Variants in CBL observed in about 807,000 individuals in gnomAD.
CBL encodes the protein E3 ubiquitin-protein ligase CBL.
In CBL, 45 loss-of-function variants were observed where a neutral mutation model predicts 96.9. The observed-to-expected ratio is 0.46, with a 90% confidence interval of 0.37 to 0.60. CBL has a LOEUF of 0.60. Among genes scored for constraint, CBL ranks in the 20% least tolerant of loss-of-function variants. The pLI is 0.00. For synonymous variants in CBL, 420 were observed against 426.8 expected (o/e 0.98, Z 0.20); for missense variants, 1,024 against 1,143.5 (o/e 0.90, Z 1.51).
chr11:119,260,481 T>C lies in CBL; in HGVS notation c.444-11254T>C, dbSNP rs555606529. ...CTGGTCGGCTCAGCTTCTTTATGCCTAAATTGTCTCATCTGTAAAATGGGG... is the reference window on the plus strand; with the variant it reads ...CTGGTCGGCTCAGCTTCTTTATGCCCAAATTGTCTCATCTGTAAAATGGGG... On this transcript the variant is annotated intron_variant, in intron 2 of 15. Transcript: ENST00000264033. Among the ~76,000 whole-genome samples, 23 of 152,216 alleles carry C rather than the reference T, an allele frequency of 1.5e-4. No individual in the cohort carries two copies. In the South Asian group the frequency reaches 4.8e-3, roughly 32 times the overall value.
intron 2 of CBL, among the ~76,000 whole-genome samples, chr11:119,235,441 A>G (rs544217611): frequency 6.6e-6 from 1 of 152,326 alleles, no homozygotes; most frequent in South Asian, 2.1e-4. Context: ...CATAAGGAAG[A>G]TAAAACATTT....
At chr11:119,217,127 T>G (rs910856522) in intron 1 of CBL, among the ~76,000 whole-genome samples, 7 of 152,184 alleles carry the variant, frequency 4.6e-5, no homozygotes, top group African/African-American at 1.7e-4. Context: ...GCTCGTATCT[T>G]TTTTTCTGAG....
At chr11:119,262,782 G>A (rs1949763920) in intron 2 of CBL, among the ~76,000 whole-genome samples, 1 of 152,192 alleles carries the variant, frequency 6.6e-6, no homozygotes, top group East Asian at 1.9e-4. Flanking sequence ...GTTGCTGTAG[G>A]GGGTTCAGAA....
intron 9 of CBL, among the ~76,000 whole-genome samples, chr11:119,279,914 G>A (rs1314738400): frequency 1.3e-5 from 2 of 152,200 alleles, no homozygotes; most frequent in Non-Finnish European, 2.9e-5. Context: ...CTTTCAAGGA[G>A]CTAATTGTTT....
intron 2 of CBL, among the ~76,000 whole-genome samples, chr11:119,261,446 C>CGA (rs1168757827): frequency 1.3e-5 from 2 of 152,140 alleles, no homozygotes; most frequent in Admixed American, 1.3e-4. Context: ...AGACTTTCTA[C>CGA]ATATTTGATT....
In CBL at chr11:119,299,913, C is replaced by T; in HGVS notation, c.*132C>T. 1 of 862,828 alleles carries T rather than the reference C, an allele frequency of 1.2e-6. No individual in the cohort carries two copies. Among genetic ancestry groups the T allele is most frequent in the Non-Finnish European group, 1.9e-6 (1 of 515,700 alleles). 53.4% of individuals were successfully genotyped at this position (862,828 alleles called of 1,614,324 possible). A position where few individuals can be genotyped will look rare whatever the true frequency, so the allele number is the denominator to read the frequency against. ...TTGCCCTCTCTGTGGGATATCACAT[C>T]AGTGGTTCCAAGATTTCAAAGTGGT... is the stretch of plus-strand genomic sequence containing the variant. On this transcript the variant is annotated 3_prime_UTR_variant, in exon 16 of 16. Coordinates refer to ENST00000264033, the MANE Select transcript of CBL (RefSeq NM_005188.4).
In CBL at chr11:119,306,317, C is replaced by G; in HGVS notation, c.*6536C>G. On this transcript the variant is annotated 3_prime_UTR_variant, in exon 16 of 16. Transcript: ENST00000264033. ...AAGCCCAAAAGCCAACCTCAGATCT[C>G]CTGATTTGGCAGCTGAAGAAATCAG... 2 of 398,682 alleles carry G rather than the reference C, an allele frequency of 5.0e-6. No homozygotes were observed. Among genetic ancestry groups the G allele is most frequent in the South Asian group, 1.3e-4 (1 of 7,864 alleles). 24.7% of individuals were successfully genotyped at this position (398,682 alleles called of 1,614,324 possible).
At chr11:119,215,223 T>G (rs1949349751) in intron 1 of CBL, among the ~76,000 whole-genome samples, 1 of 152,108 alleles carries the variant, frequency 6.6e-6, no homozygotes, top group Admixed American at 6.6e-5. Flanking sequence ...AAAAACCTAT[T>G]TTTAGTATGT....
At chr11:119,291,244 C>T (rs1950025036) in intron 12 of CBL, among the ~76,000 whole-genome samples, 1 of 152,038 alleles carries the variant, frequency 6.6e-6, no homozygotes, top group Non-Finnish European at 1.5e-5. Context: ...CAAAAAATAT[C>T]AGCCAACCAT....
intron 12 of CBL, among the ~76,000 whole-genome samples, chr11:119,294,167 G>T (rs1003539160): frequency 1.3e-5 from 2 of 152,166 alleles, no homozygotes; most frequent in Admixed American, 6.5e-5. Context: ...GGTGGCTCAC[G>T]CCTGTAATCC....
intron 15 of CBL, among the ~76,000 whole-genome samples, 183 bp from the exon 16 acceptor site, chr11:119,299,312 A>G (rs1169327583): frequency 6.6e-6 from 1 of 152,162 alleles, no homozygotes; most frequent in Admixed American, 6.5e-5. Context: ...GGTTGTTTTT[A>G]TTGTGATGAG....
chr11:119,247,540 G>A (rs1174203309), intron 2 of CBL, among the ~76,000 whole-genome samples: 1 of 152,178 alleles, frequency 6.6e-6, no homozygotes, highest in Non-Finnish European at 1.5e-5. Flanking sequence ...GCCGGGTGTG[G>A]TGGCTCACGC....
intron 2 of CBL, among the ~76,000 whole-genome samples, chr11:119,248,579 G>C (rs1471824449): frequency 6.6e-6 from 1 of 152,158 alleles, no homozygotes; most frequent in African/African-American, 2.4e-5. Context: ...AAATCTTCAT[G>C]AATCTTGGAT....
intron 1 of CBL, among the ~76,000 whole-genome samples, chr11:119,212,293 A>G (rs1451838936): frequency 1.3e-5 from 2 of 152,204 alleles, no homozygotes; most frequent in African/African-American, 4.8e-5. Context: ...ATTTAAAATC[A>G]TGAGCTTAAA....
intron 2 of CBL, among the ~76,000 whole-genome samples, chr11:119,260,876 T>A (rs1038009015): frequency 6.6e-6 from 1 of 150,762 alleles, no homozygotes. Context: ...CAGTCCCAGA[T>A]CCTTAATGAC....
intron 9 of CBL, among the ~76,000 whole-genome samples, chr11:119,281,195 C>A (rs368286089): frequency 5.3e-5 from 8 of 152,192 alleles, no homozygotes; most frequent in African/African-American, 1.9e-4. Flanking sequence ...TGTCCCCTCG[C>A]CATCCTCATG....
At chr11:119,207,862 G>A (rs960495760) in intron 1 of CBL, among the ~76,000 whole-genome samples, 1 of 152,052 alleles carries the variant, frequency 6.6e-6, no homozygotes, top group African/African-American at 2.4e-5. Context: ...GTTCTTCATG[G>A]GTTGCTTTGG....
At chr11:119,240,537 A>G (rs772934376) in intron 2 of CBL, among the ~76,000 whole-genome samples, 2 of 152,212 alleles carry the variant, frequency 1.3e-5, no homozygotes, top group Non-Finnish European at 2.9e-5. Context: ...AGCAGAAGAT[A>G]TGACTCTTAG....
At chr11:119,255,058 G>T (rs1422780343) in intron 2 of CBL, among the ~76,000 whole-genome samples, 2 of 152,096 alleles carry the variant, frequency 1.3e-5, no homozygotes, top group African/African-American at 2.4e-5. Context: ...GGGCATAGGT[G>T]GATGTACCAT....
Sources: allele counts gnomAD v4.1 joint callset (sites outside exome capture counted in the v4.1 genomes callset), GRCh38; gene constraint gnomAD v4.1.1; transcripts MANE v1.5; gene names NCBI Gene and HGNC (gene_info 2026-07-23, HGNC 2026-07-21).